Variants in VWDE observed in about 807,000 individuals in gnomAD.
The protein encoded by VWDE is von Willebrand factor D and EGF domains.
A neutral mutation model predicts 178.4 loss-of-function variants in VWDE; 207 were observed. The observed-to-expected ratio is 1.16, with a 90% CI of 1.04 to 1.30. The LOEUF is 1.30. Among genes scored for constraint, VWDE ranks in the 50% most tolerant of loss-of-function variants. The pLI, the probability that VWDE is intolerant of heterozygous loss-of-function variation, is 0.00. For missense variants in VWDE, 2,287 were observed against 1,901.3 expected (o/e 1.20, Z -3.77); for synonymous variants, 738 against 651.4 (o/e 1.13, Z -2.02).
At chr7:12,361,597 A>C in intron 13 of VWDE, 76 bp from the exon 14 acceptor site, 1 of 1,352,692 alleles carries the variant, frequency 7.4e-7, no homozygotes, top group Non-Finnish European at 9.8e-7. Flanking sequence ...CATATAATGA[A>C]AACATAAATT....
Position 12,369,809 on chromosome 7 carries a change from T to C in VWDE, c.2497A>G (p.Ser833Gly), listed in dbSNP as rs1353886559. The C allele has an allele frequency of 3.2e-6, 5 of 1,551,544 alleles. No homozygotes were observed. In the East Asian group the frequency reaches 1.2e-4, roughly 38 times the overall value. ...CLAFLGKRLD[S>G]VIEMCVKDVL... ...TCCTTCACACACATCTCTATAACAC[T>C]GTCTAATCTCTTGCCAAGAAAAGCA... Residue 833 changes from serine (S) to glycine (G), a missense_variant, in exon 12 of 29, where the codon AGT becomes GGT. Physicochemically the swap from Ser to Gly is moderately conservative, Grantham distance 56 (BLOSUM62 0). Transcript: ENST00000275358.
intron 1 of VWDE, among the ~76,000 whole-genome samples, chr7:12,399,418 T>G (rs1784792944): frequency 6.6e-6 from 1 of 152,104 alleles, no homozygotes; most frequent in Non-Finnish European, 1.5e-5. Flanking sequence ...AACAGAGCAC[T>G]GAAATATGTG....
intron 2 of VWDE, among the ~76,000 whole-genome samples, chr7:12,389,960 C>T (rs1054930151): frequency 1.3e-5 from 2 of 151,956 alleles, no homozygotes; most frequent in African/African-American, 4.8e-5. Flanking sequence ...GTCAGGAGAT[C>T]GAGACTATCC....
intron 1 of VWDE, among the ~76,000 whole-genome samples, chr7:12,402,558 T>C (rs1400570549): frequency 1.3e-5 from 2 of 152,188 alleles, no homozygotes; most frequent in African/African-American, 4.8e-5. Context: ...CATGAAATCA[T>C]CTTCCTTTAT....
At chr7:12,376,449 C>A (rs376382976) in intron 7 of VWDE, among the ~76,000 whole-genome samples, 1 of 152,066 alleles carries the variant, frequency 6.6e-6, no homozygotes, top group East Asian at 1.9e-4. Context: ...TGCATGCAAA[C>A]TTCTAAAATG....
chr7:12,377,954 A>T, intron 6 of VWDE, 34 bp from the exon 7 acceptor site: 1 of 1,331,446 alleles, frequency 7.5e-7, no homozygotes, highest in Non-Finnish European at 9.7e-7. Context: ...AAATTATGTT[A>T]AAATATAATT....
chr7:12,362,737 C>T (rs1461604474), intron 13 of VWDE, among the ~76,000 whole-genome samples: 2 of 152,042 alleles, frequency 1.3e-5, no homozygotes, highest in South Asian at 2.1e-4. Context: ...ACAGAAATTA[C>T]GTTTTTGAAG....
rs35937806 is a variant in VWDE at position 12,396,607 on chromosome 7, AT to A, written c.59-2830del. On this transcript the variant is annotated intron_variant, in intron 1 of 28. Transcript: ENST00000275358. The stretch of plus-strand genomic sequence containing the variant: ...TTGGAAAACCATTCCATACTCATGG[AT>A]TAGAAGAATCCATTGTCTGCCAGAT... Among the ~76,000 whole-genome samples the A allele has an allele frequency of 8.6e-3, 1,304 of 152,316 alleles. 22 individuals carry two copies. Among genetic ancestry groups the A allele is most frequent in the African/African-American group, 0.03 (1,261 of 41,580 alleles).
At chr7:12,371,008 A>G (rs533062304) in intron 10 of VWDE, 144 bp from the exon 11 acceptor site, 1 of 713,796 alleles carries the variant, frequency 1.4e-6, no homozygotes, top group African/African-American at 1.8e-5. Flanking sequence ...CTTGACTACA[A>G]CTTTCCTCTT....
chr7:12,369,427 G>GT (rs2128555256), intron 12 of VWDE, 118 bp downstream of exon 12: 1 of 1,277,088 alleles, frequency 7.8e-7, no homozygotes, highest in African/African-American at 1.5e-5. Context: ...TGATTTGGAG[G>GT]TTTTCTCTAT....
chr7:12,369,352 T>A (rs553914532), intron 12 of VWDE, among the ~76,000 whole-genome samples, 193 bp downstream of exon 12: 40 of 152,272 alleles, frequency 2.6e-4, no homozygotes, highest in African/African-American at 9.6e-4. Flanking sequence ...TGTTATAAGT[T>A]ACTTTGGCTT....
chr7:12,366,189 C>A (rs1782849667), intron 13 of VWDE, among the ~76,000 whole-genome samples: 2 of 152,078 alleles, frequency 1.3e-5, no homozygotes, highest in African/African-American at 2.4e-5. Flanking sequence ...TTATAAATTA[C>A]CTAGTCTCAG....
chr7:12,340,461 T>C (rs1781268033), intron 23 of VWDE, 44 bp from the exon 24 acceptor site: 4 of 1,441,364 alleles, frequency 2.8e-6, no homozygotes, highest in Non-Finnish European at 3.8e-6. Context: ...AGTTTTATTA[T>C]TTAAAAAATG....
intron 1 of VWDE, among the ~76,000 whole-genome samples, chr7:12,400,386 G>A (rs1427396166): frequency 6.6e-6 from 1 of 151,996 alleles, no homozygotes; most frequent in East Asian, 1.9e-4. Flanking sequence ...TGAAATAGGG[G>A]ACACTACTGA....
In VWDE at chr7:12,369,598, C is replaced by T. The variant is rs1562493080; in HGVS notation, c.2708G>A (p.Trp903Ter). Residue 903 changes from tryptophan to a stop codon, truncating the protein, a stop_gained, in exon 12 of 29, where the codon TGG becomes TAG. Coordinates refer to ENST00000275358, the MANE Select transcript of VWDE (RefSeq NM_001135924.3). LOFTEE classifies it high-confidence loss of function. Reference protein sequence around the residue: ...LCSGNGQCMEWGCACSPSFSS... With the variant: ...LCSGNGQCME ...AAAGCTTGGGGAACACGCACACCCC[C>T]ATTCCATGCACTGCCCATTGCCGCT... 6.4e-7 allele frequency: 1 copy of T among 1,550,892 alleles called. No homozygotes were observed. Among genetic ancestry groups the T allele is most frequent in the Non-Finnish European group, 8.7e-7 (1 of 1,146,492 alleles).
intron 2 of VWDE, among the ~76,000 whole-genome samples, chr7:12,390,164 CAA>C (rs200320227): frequency 1.4e-4 from 15 of 105,652 alleles, no homozygotes; most frequent in African/African-American, 1.1e-4. Flanking sequence ...GACTCCATCT[CAA>C]AAAAAAAAAA....
intron 10 of VWDE, among the ~76,000 whole-genome samples, 156 bp downstream of exon 10, chr7:12,372,821 T>G (rs1421797963): frequency 1.3e-5 from 2 of 152,136 alleles, no homozygotes; most frequent in Admixed American, 1.3e-4. Flanking sequence ...TTGTGTGTGG[T>G]GAGAAAAATG....
intron 3 of VWDE, among the ~76,000 whole-genome samples, chr7:12,387,325 T>C (rs1408917437): frequency 6.6e-6 from 1 of 152,044 alleles, no homozygotes; most frequent in African/African-American, 2.4e-5. Flanking sequence ...TGTGTGTCAT[T>C]GTTTTTATGA....
At chr7:12,369,500 A>C in intron 12 of VWDE, 45 bp downstream of exon 12, 1 of 1,465,482 alleles carries the variant, frequency 6.8e-7, no homozygotes, top group Non-Finnish European at 9.0e-7. Flanking sequence ...CATTTTTATA[A>C]TGAAATATCA....
Sources: allele counts gnomAD v4.1 joint callset (sites outside exome capture counted in the v4.1 genomes callset), GRCh38; gene constraint gnomAD v4.1.1; transcripts MANE v1.5; gene names NCBI Gene and HGNC (gene_info 2026-07-23, HGNC 2026-07-21).